KSR2: variants seen among roughly 807,000 people sequenced by gnomAD.
KSR2 encodes the protein kinase suppressor of ras 2.
A neutral mutation model predicts 107.8 loss-of-function variants in KSR2; 25 were observed. The observed-to-expected ratio is 0.23, with a 90% CI of 0.17 to 0.32. The LOEUF is 0.32. KSR2 is among the 10% of genes least tolerant of loss of function. The pLI, the probability that KSR2 is intolerant of heterozygous loss-of-function variation, is 1.00. For missense variants in KSR2, 887 were observed against 1,268.9 expected, an observed-to-expected ratio of 0.70 and a Z score of 4.57; for synonymous variants, 480 against 507.0, an observed-to-expected ratio of 0.95 and a Z score of 0.71.
Position 117,719,397 on chromosome 12 carries a change from T to C in KSR2, c.986+41614A>G, listed in dbSNP as rs887352585. Among the ~76,000 whole-genome samples, 8 of 152,228 alleles carry C rather than the reference T, an allele frequency of 5.3e-5. 1 individual carries two copies. The South Asian group carries it at 1.2e-3, about 24-fold the overall frequency. ...TTTTAGTAGAGACAGGGTTTCACCA[T>C]GTTGGCCAGACTGGTCCTGAACTCC... On this transcript the variant is annotated intron_variant, in intron 4 of 19. Transcript: ENST00000339824.
Position 117,907,493 on chromosome 12 carries a change from C to G in KSR2, c.181-47062G>C, listed in dbSNP as rs1163704517. 6.6e-6 allele frequency among the ~76,000 whole-genome samples: 1 copy of G among 152,208 alleles called. No homozygotes were observed. The highest frequency in any genetic ancestry group is 3.2e-3 in the Middle Eastern group (1 of 316). ...AGCTGCACCCCTCTCCCAACACCAT[C>G]CGCTAACTAATCTACGGGGCTGGAT... On this transcript the variant is annotated intron_variant, in intron 1 of 19. Coordinates refer to ENST00000339824, the MANE Select transcript of KSR2 (RefSeq NM_173598.6). This position sits in a 1 kb window ranked among gnomAD's most constrained non-coding sequence, Gnocchi z 4.3.
intron 4 of KSR2, among the ~76,000 whole-genome samples, chr12:117,674,573 T>C (rs1046822111): frequency 6.6e-6 from 1 of 152,210 alleles, no homozygotes; most frequent in Non-Finnish European, 1.5e-5. Context: ...TTGCCTATTC[T>C]GGACATTGCA....
At chr12:117,787,354 C>T (rs905592733) in intron 3 of KSR2, among the ~76,000 whole-genome samples, 1 of 152,076 alleles carries the variant, frequency 6.6e-6, no homozygotes, top group East Asian at 1.9e-4. Context: ...GCCAGTAGGC[C>T]AGGAGCAGTG....
chr12:117,826,160 T>A (rs1264665761), intron 3 of KSR2, among the ~76,000 whole-genome samples: 1 of 151,984 alleles, frequency 6.6e-6, no homozygotes, highest in Non-Finnish European at 1.5e-5. Flanking sequence ...AATGAATGAA[T>A]GAATGAATTC....
intron 4 of KSR2, among the ~76,000 whole-genome samples, chr12:117,752,487 A>T (rs1888645880): frequency 1.3e-5 from 2 of 152,248 alleles, no homozygotes. Context: ...GAAGAAAGGG[A>T]ACTAGATATA....
At chr12:117,764,499 G>A (rs1188867275) in intron 3 of KSR2, among the ~76,000 whole-genome samples, 1 of 152,130 alleles carries the variant, frequency 6.6e-6, no homozygotes, top group East Asian at 1.9e-4. Flanking sequence ...AACAAGCAGG[G>A]CATGAGGCTG....
At chr12:117,709,795 G>A (rs1753761266) in intron 4 of KSR2, among the ~76,000 whole-genome samples, 1 of 152,218 alleles carries the variant, frequency 6.6e-6, no homozygotes, top group Middle Eastern at 3.2e-3. Context: ...ATGTTAGGCA[G>A]CATCCCTGGC....
At chr12:117,572,450 C>T (rs954824541) in intron 7 of KSR2, among the ~76,000 whole-genome samples, 3 of 152,044 alleles carry the variant, frequency 2.0e-5, no homozygotes, top group African/African-American at 7.2e-5. Context: ...ATAGGTGGGG[C>T]CAGGGCACAC....
chr12:117,540,763 C>T (rs1279190551), intron 9 of KSR2, among the ~76,000 whole-genome samples: 1 of 152,178 alleles, frequency 6.6e-6, no homozygotes, highest in Non-Finnish European at 1.5e-5. Context: ...GGGAGAGAGG[C>T]ATGGAACAGA....
intron 4 of KSR2, among the ~76,000 whole-genome samples, chr12:117,693,815 A>G (rs867247766): frequency 6.6e-6 from 1 of 152,182 alleles, no homozygotes; most frequent in Non-Finnish European, 1.5e-5. Context: ...TGCGGCTCAC[A>G]GGGGAGACTC....
In KSR2 at chr12:117,454,392, C is replaced by T. The variant is rs551530016; in HGVS notation, c.*12807G>A. On this transcript the variant is annotated 3_prime_UTR_variant, in exon 20 of 20. Coordinates refer to ENST00000339824, the MANE Select transcript of KSR2 (RefSeq NM_173598.6). ...CAAGTTGAAGCAGATAAACAAGCCT[C>T]GCTAATTTGCAGTAGCCACATATAC... is the stretch of plus-strand genomic sequence containing the variant. 1.3e-5 allele frequency: 2 copies of T among 152,310 alleles called. No homozygotes were observed. Among genetic ancestry groups the T allele is most frequent in the African/African-American group, 4.8e-5 (2 of 41,560 alleles). 9.4% of individuals were successfully genotyped at this position (152,310 alleles called of 1,614,324 possible).
At chr12:117,883,490 T>C (rs1211646167) in intron 1 of KSR2, among the ~76,000 whole-genome samples, 1 of 152,074 alleles carries the variant, frequency 6.6e-6, no homozygotes. Context: ...ATTTGATAAG[T>C]GCTATGGTGG....
intron 3 of KSR2, among the ~76,000 whole-genome samples, chr12:117,853,303 C>T (rs551263184): frequency 2.0e-5 from 3 of 152,222 alleles, no homozygotes; most frequent in South Asian, 4.2e-4. Context: ...GAAGTGAATG[C>T]ATTTATTGAC....
chr12:117,553,391 T>A (rs1370176861), intron 9 of KSR2, among the ~76,000 whole-genome samples: 1 of 152,162 alleles, frequency 6.6e-6, no homozygotes, highest in South Asian at 2.1e-4. Flanking sequence ...CTAGATGCAG[T>A]CGAAAGCTAT....
intron 7 of KSR2, among the ~76,000 whole-genome samples, chr12:117,569,130 G>A (rs1878716675): frequency 6.6e-6 from 1 of 152,110 alleles, no homozygotes; most frequent in South Asian, 2.1e-4. Flanking sequence ...CTCATCACCT[G>A]TGGCTGCAGC....
At chr12:117,852,140 G>C (rs1273193109) in intron 3 of KSR2, among the ~76,000 whole-genome samples, 2 of 151,992 alleles carry the variant, frequency 1.3e-5, no homozygotes, top group Non-Finnish European at 2.9e-5. Context: ...TCAGAGGACA[G>C]GGCCAGGTGT....
chr12:117,692,527 C>T (rs1177572446), intron 4 of KSR2, among the ~76,000 whole-genome samples: 1 of 136,456 alleles, frequency 7.3e-6, no homozygotes, highest in African/African-American at 2.8e-5. Flanking sequence ...TATATATACA[C>T]ACACACATAT....
At chr12:117,868,786 T>C (rs569639413) in intron 1 of KSR2, among the ~76,000 whole-genome samples, 70 of 152,004 alleles carry the variant, frequency 4.6e-4, no homozygotes, top group African/African-American at 1.4e-3. Flanking sequence ...AGTCTTACTC[T>C]GTCACCCAGG....
intron 5 of KSR2, among the ~76,000 whole-genome samples, chr12:117,648,242 A>G (rs1456658673): frequency 2.0e-5 from 3 of 152,144 alleles, no homozygotes; most frequent in Non-Finnish European, 2.9e-5. Flanking sequence ...TGTGATGACA[A>G]TTTTTCCCTT....
Sources: gnomAD v4.1 joint callset for allele counts (sites outside exome capture counted in the v4.1 genomes callset) on GRCh38, gnomAD v4.1.1 for gene constraint, Gnocchi (gnomAD v3.1) non-coding constraint, MANE v1.5 for transcripts, NCBI Gene and HGNC (gene_info 2026-07-23, HGNC 2026-07-21) for gene names.